GGACT: variants seen among roughly 807,000 people sequenced by gnomAD.
GGACT encodes gamma-glutamylamine cyclotransferase.
For synonymous variants in GGACT, 118 were observed against 115.3 expected (o/e 1.02, Z -0.15); for missense variants, 241 against 233.2 (o/e 1.03, Z -0.22).
intron 2 of GGACT, among the ~76,000 whole-genome samples, chr13:100,569,098 G>A (rs1425783932): frequency 3.3e-5 from 5 of 152,194 alleles, no homozygotes; most frequent in African/African-American, 1.2e-4. Context: ...AGTGTCTGCT[G>A]CTTTTCCAGG....
chr13:100,586,490 C>T (rs1008855383), intron 1 of GGACT, among the ~76,000 whole-genome samples: 1 of 149,850 alleles, frequency 6.7e-6, no homozygotes, highest in Admixed American at 6.6e-5. Context: ...CACCCCCGAC[C>T]CCACCCCTCC....
At chr13:100,565,903 G>A (rs2088806399) in intron 2 of GGACT, among the ~76,000 whole-genome samples, 1 of 152,184 alleles carries the variant, frequency 6.6e-6, no homozygotes, top group South Asian at 2.1e-4. Flanking sequence ...GGAAGTGATG[G>A]GATTCAGTTA....
At chr13:100,551,390 A>C (rs1199141452) in intron 2 of GGACT, among the ~76,000 whole-genome samples, 1 of 152,244 alleles carries the variant, frequency 6.6e-6, no homozygotes. Flanking sequence ...CCTTTTCCCC[A>C]GGGAGGGACC....
chr13:100,556,671 A>G (rs1398242532), intron 2 of GGACT, among the ~76,000 whole-genome samples: 2 of 152,100 alleles, frequency 1.3e-5, no homozygotes, highest in East Asian at 1.9e-4. Flanking sequence ...TGGATTGTTT[A>G]TAACTCAAAG....
chr13:100,532,648 G>A lies in GGACT; in HGVS notation c.-10-47C>T, dbSNP rs1305683158. The A allele has an allele frequency of 1.7e-5, 25 of 1,432,766 alleles. No individual in the cohort carries two copies. The Admixed American group carries it at 4.7e-4, about 27-fold the overall frequency. 88.8% of individuals were successfully genotyped at this position (1,432,766 alleles called of 1,614,324 possible). A position where few individuals can be genotyped will look rare whatever the true frequency, so the allele number is the denominator to read the frequency against. On this transcript the variant is annotated intron_variant, in intron 2 of 2. Transcript: ENST00000683975. ...CAGGTCAGCCCGCAGTGGGAGCTCT[G>A]TGTCTGCACCTGGGACGTGGCTCCC... is the stretch of plus-strand genomic sequence containing the variant.
intron 2 of GGACT, among the ~76,000 whole-genome samples, chr13:100,543,195 AGC>A (rs1189963713): frequency 2.6e-5 from 2 of 75,928 alleles, no homozygotes; most frequent in African/African-American, 5.3e-5. Flanking sequence ...AAAAGACACC[AGC>A]TTTTTTTTTT....
intron 2 of GGACT, among the ~76,000 whole-genome samples, chr13:100,569,184 T>TG (rs1296152353): frequency 3.3e-5 from 5 of 152,260 alleles, no homozygotes; most frequent in Admixed American, 3.3e-4. Context: ...TACTAGGCAG[T>TG]GCCCCAGTGG....
intron 2 of GGACT, among the ~76,000 whole-genome samples, chr13:100,567,746 C>T (rs990386045): frequency 2.5e-4 from 38 of 152,322 alleles, no homozygotes; most frequent in African/African-American, 8.9e-4. Context: ...TGAATTCACA[C>T]AAACACACAC....
At chr13:100,586,710 T>G (rs1332372700) in intron 1 of GGACT, 1 of 152,408 alleles carries the variant, frequency 6.6e-6, no homozygotes, top group Non-Finnish European at 1.5e-5. Flanking sequence ...GCACACTGCC[T>G]CTGGTTTCAT....
chr13:100,569,668 C>T (rs1200831733), intron 2 of GGACT, among the ~76,000 whole-genome samples: 3 of 152,230 alleles, frequency 2.0e-5, no homozygotes, highest in African/African-American at 7.2e-5. Context: ...CTCTTTGTTA[C>T]TTATGCAAAT....
chr13:100,553,594 C>G (rs2088685487), intron 2 of GGACT, among the ~76,000 whole-genome samples: 1 of 152,280 alleles, frequency 6.6e-6, no homozygotes, highest in Middle Eastern at 3.4e-3. Flanking sequence ...GCCTGTAATC[C>G]TGGCACTTTG....
rs571004639 is a variant in GGACT at position 100,545,845 on chromosome 13, C to T, written c.-10-13244G>A. 1.6e-4 allele frequency among the ~76,000 whole-genome samples: 24 copies of T among 152,274 alleles called. No individual in the cohort carries two copies. Among genetic ancestry groups the T allele is most frequent in the South Asian group, 4.1e-4 (2 of 4,826 alleles). On this transcript the variant is annotated intron_variant, in intron 2 of 2. Coordinates refer to ENST00000683975, the MANE Select transcript of GGACT (RefSeq NM_001195087.2). The surrounding 1 kb of genome is among the most constrained non-coding windows in gnomAD (Gnocchi z 4.4). ...CCCCCTACAGAAGGAAGTAAGGGTT[C>T]GGAGAATTCAGACACCAAAGGCCCC... is the stretch of plus-strand genomic sequence containing the variant.
intron 2 of GGACT, among the ~76,000 whole-genome samples, chr13:100,564,750 A>G (rs966702657): frequency 6.6e-6 from 1 of 152,060 alleles, no homozygotes; most frequent in Non-Finnish European, 1.5e-5. Context: ...AATAAATTAC[A>G]TTTTTTACTT....
chr13:100,546,219 G>A (rs1052771094), intron 2 of GGACT, among the ~76,000 whole-genome samples: 14 of 151,984 alleles, frequency 9.2e-5, no homozygotes, highest in East Asian at 1.9e-4. Context: ...AAAATTAGCC[G>A]GGCATGGTGG....
chr13:100,567,962 A>G (rs1359632933), intron 2 of GGACT, among the ~76,000 whole-genome samples: 1 of 152,184 alleles, frequency 6.6e-6, no homozygotes, highest in Non-Finnish European at 1.5e-5. Flanking sequence ...CTCTAGCCAT[A>G]ATGTCACATT....
rs569322790 is a variant in GGACT at position 100,545,236 on chromosome 13, T to C, written c.-10-12635A>G. On this transcript the variant is annotated intron_variant, in intron 2 of 2. Transcript: ENST00000683975. This position sits in a 1 kb window ranked among gnomAD's most constrained non-coding sequence, Gnocchi z 4.4. ...TCCATGCCCACCCCATGCCAAGTGCTTTACTTACATTCTTCACCTGGTGCT... is the reference window on the plus strand; with the variant it reads ...TCCATGCCCACCCCATGCCAAGTGCCTTACTTACATTCTTCACCTGGTGCT... Among the ~76,000 whole-genome samples the C allele has an allele frequency of 2.2e-4, 33 of 152,320 alleles. No homozygotes were observed. The highest frequency in any genetic ancestry group is 7.5e-4 in the African/African-American group (31 of 41,572).
intron 2 of GGACT, chr13:100,539,601 T>C (rs2088530440): frequency 7.1e-6 from 3 of 422,550 alleles, no homozygotes; most frequent in South Asian, 8.4e-5. Flanking sequence ...TGAATTCTGT[T>C]TGCTAGTGTG....
chr13:100,574,782 C>T (rs1031483154), intron 2 of GGACT, among the ~76,000 whole-genome samples: 2 of 152,082 alleles, frequency 1.3e-5, no homozygotes, highest in African/African-American at 2.4e-5. Flanking sequence ...CAGGTACCTC[C>T]TGTATCTAAA....
rs762867577 is a variant in GGACT at position 100,585,236 on chromosome 13, C to T, written c.-183-1239G>A. Reference sequence around the variant, plus strand: ...CGCCAAGGCTGCTCTAGACTTGGGTCGGCAAACCACAGCCTGCGGGTAAGT... The same window carrying T: ...CGCCAAGGCTGCTCTAGACTTGGGTTGGCAAACCACAGCCTGCGGGTAAGT... On this transcript the variant is annotated intron_variant, in intron 1 of 2. Coordinates refer to ENST00000683975, the MANE Select transcript of GGACT (RefSeq NM_001195087.2). Among the ~76,000 whole-genome samples, 7 of 152,316 alleles carry T rather than the reference C, an allele frequency of 4.6e-5. 1 individual carries two copies. The Middle Eastern group carries it at 0.017, about 370-fold the overall frequency.
Sources: allele counts gnomAD v4.1 joint callset (sites outside exome capture counted in the v4.1 genomes callset), GRCh38; gene constraint gnomAD v4.1.1; non-coding constraint Gnocchi (gnomAD v3.1); transcripts MANE v1.5; gene names NCBI Gene and HGNC (gene_info 2026-07-23, HGNC 2026-07-21).